Variants in PAX7 observed in about 807,000 individuals in gnomAD.
The protein encoded by PAX7 is paired box protein Pax-7.
In PAX7, 18 loss-of-function variants were observed where a neutral mutation model predicts 50.7. The observed-to-expected ratio is 0.36, with a 90% CI of 0.25 to 0.53. The LOEUF (loss-of-function observed/expected upper bound fraction) is 0.53, where lower values mean the gene tolerates loss of function less well. Ranked by LOEUF, PAX7 falls within the 20% of genes least tolerant of loss-of-function variation. The pLI, the probability that PAX7 is intolerant of heterozygous loss-of-function variation, is 0.93. For missense variants in PAX7, 644 were observed against 702.9 expected (o/e 0.92, Z 0.95); for synonymous variants, 310 against 290.4 (o/e 1.07, Z -0.69).
chr1:18,738,238 C>A (rs1375306113), intron 8 of PAX7, among the ~76,000 whole-genome samples: 1 of 152,096 alleles, frequency 6.6e-6, no homozygotes, highest in Admixed American at 6.5e-5. Context: ...CAGAGGGTCC[C>A]AGGGTGACCT....
intron 4 of PAX7, among the ~76,000 whole-genome samples, chr1:18,684,157 TG>T (rs1209593837): frequency 5.3e-5 from 8 of 152,216 alleles, no homozygotes; most frequent in Admixed American, 2.6e-4. Flanking sequence ...CTGCCATTGC[TG>T]GGGAAGAAGG....
chr1:18,728,626 C>T (rs2236807), intron 7 of PAX7, among the ~76,000 whole-genome samples: 6,028 of 150,850 alleles, frequency 0.04, 178 homozygotes, highest in East Asian at 0.099. Context: ...TTTGGGAGGC[C>T]AAGGCAGCCA....
intron 4 of PAX7, among the ~76,000 whole-genome samples, chr1:18,683,089 G>A (rs192425225): frequency 2.6e-5 from 4 of 152,214 alleles, no homozygotes; most frequent in African/African-American, 4.8e-5. Flanking sequence ...CTGGTCAGGC[G>A]GTTGACTCAG....
At chr1:18,685,415 AC>A (rs2088960484) in intron 4 of PAX7, among the ~76,000 whole-genome samples, 1 of 152,140 alleles carries the variant, frequency 6.6e-6, no homozygotes, top group African/African-American at 2.4e-5. Flanking sequence ...TCCCTGCCGC[AC>A]TCAAGGATCT....
At chr1:18,706,631 T>C (rs1327572495) in intron 7 of PAX7, among the ~76,000 whole-genome samples, 2 of 114,698 alleles carry the variant, frequency 1.7e-5, no homozygotes, top group Admixed American at 1.0e-4. Context: ...TACAGGCCCC[T>C]GCCGCCACTC....
intron 7 of PAX7, among the ~76,000 whole-genome samples, chr1:18,707,651 C>T (rs946452299): frequency 1.3e-5 from 2 of 152,054 alleles, no homozygotes; most frequent in Non-Finnish European, 2.9e-5. Context: ...TCTTGAACTC[C>T]TGACCTCAAG....
At chr1:18,720,729 G>T (rs1292306569) in intron 7 of PAX7, among the ~76,000 whole-genome samples, 1 of 151,870 alleles carries the variant, frequency 6.6e-6, no homozygotes, top group Non-Finnish European at 1.5e-5. Context: ...GAGAGAGAGA[G>T]AGAGAGGTAG....
At chr1:18,641,444 G>T (rs575763484) in intron 4 of PAX7, among the ~76,000 whole-genome samples, 3 of 152,138 alleles carry the variant, frequency 2.0e-5, no homozygotes, top group African/African-American at 4.8e-5. Flanking sequence ...AAAGAGGCTC[G>T]GTTCCCGGAT....
intron 4 of PAX7, among the ~76,000 whole-genome samples, chr1:18,682,084 C>A (rs950014906): frequency 6.6e-6 from 1 of 152,046 alleles, no homozygotes; most frequent in Non-Finnish European, 1.5e-5. Context: ...GATGGGAGCT[C>A]CCTGGAGAAA....
chr1:18,648,373 G>C (rs531083481), intron 4 of PAX7, among the ~76,000 whole-genome samples: 1 of 121,634 alleles, frequency 8.2e-6, no homozygotes, highest in Non-Finnish European at 1.6e-5. Context: ...ACTGGGTCTT[G>C]CTCTGTCACC....
intron 4 of PAX7, among the ~76,000 whole-genome samples, chr1:18,688,890 G>A (rs2089016029): frequency 6.6e-6 from 1 of 152,010 alleles, no homozygotes; most frequent in South Asian, 2.1e-4. Context: ...CTCTAGCCTG[G>A]GCGACAGAAC....
chr1:18,729,551 A>T (rs1381941534), intron 7 of PAX7, among the ~76,000 whole-genome samples: 3 of 152,310 alleles, frequency 2.0e-5, no homozygotes, highest in Admixed American at 6.5e-5. Context: ...CCTGCCCGTT[A>T]ACTGGGGCTC....
In PAX7 at chr1:18,699,450, G is replaced by T. The variant is rs148084935; in HGVS notation, c.787-1203G>T. ...GGGAACAGCATGTGCAAAGCTGAAGGTGGAAAAGAGCCCCCTCAAGGCAGC... is the reference window on the plus strand; with the variant it reads ...GGGAACAGCATGTGCAAAGCTGAAGTTGGAAAAGAGCCCCCTCAAGGCAGC... On this transcript the variant is annotated intron_variant, in intron 5 of 8. Coordinates refer to ENST00000420770, the MANE Select transcript of PAX7 (RefSeq NM_001135254.2). Among the ~76,000 whole-genome samples the T allele has an allele frequency of 6.3e-3, 957 of 152,212 alleles. 12 individuals are homozygous for T. The highest frequency in any genetic ancestry group is 0.022 in the African/African-American group (893 of 41,530).
At chr1:18,704,008 A>C (rs1281365978) in intron 7 of PAX7, among the ~76,000 whole-genome samples, 1 of 152,228 alleles carries the variant, frequency 6.6e-6, no homozygotes, top group Non-Finnish European at 1.5e-5. Context: ...TCTGTAACTA[A>C]CGTCTCAACA....
At chr1:18,728,323 C>A (rs967579693) in intron 7 of PAX7, among the ~76,000 whole-genome samples, 1 of 151,774 alleles carries the variant, frequency 6.6e-6, no homozygotes, top group African/African-American at 2.4e-5. Flanking sequence ...TCTGTCTGTT[C>A]GTGTTGGCGT....
intron 8 of PAX7, among the ~76,000 whole-genome samples, chr1:18,744,152 C>T (rs573253445): frequency 6.6e-6 from 1 of 152,276 alleles, no homozygotes; most frequent in East Asian, 1.9e-4. Context: ...AAAGGTCTTG[C>T]TTTGCCTTAT....
intron 4 of PAX7, among the ~76,000 whole-genome samples, chr1:18,668,067 C>A (rs2088695109): frequency 6.6e-6 from 1 of 152,108 alleles, no homozygotes; most frequent in African/African-American, 2.4e-5. Flanking sequence ...TGGCTGCACA[C>A]GAGATTCATA....
intron 4 of PAX7, among the ~76,000 whole-genome samples, chr1:18,655,030 C>T (rs1570128605): frequency 6.6e-6 from 1 of 152,168 alleles, no homozygotes; most frequent in South Asian, 2.1e-4. Context: ...TGGGCCAGAA[C>T]CATATATGCA....
chr1:18,674,471 G>C (rs1253816969), intron 4 of PAX7, among the ~76,000 whole-genome samples: 2 of 152,210 alleles, frequency 1.3e-5, no homozygotes, highest in African/African-American at 4.8e-5. Context: ...GAGGTGAAAA[G>C]AGGTGAGTTC....
Sources: allele counts gnomAD v4.1 joint callset (sites outside exome capture counted in the v4.1 genomes callset), GRCh38; gene constraint gnomAD v4.1.1; transcripts MANE v1.5; gene names NCBI Gene and HGNC (gene_info 2026-07-23, HGNC 2026-07-21).